Variants in CMTM8 observed in about 807,000 individuals in gnomAD.
CMTM8 encodes the protein CKLF like MARVEL transmembrane domain containing 8, also known as CKLF-like MARVEL transmembrane domain-containing protein 8.
A neutral mutation model predicts 18.6 loss-of-function variants in CMTM8; 12 were observed. The ratio of observed to expected loss-of-function variants is 0.65; its 90% CI spans 0.41 to 1.05. The LOEUF (loss-of-function observed/expected upper bound fraction) is 1.05. Among genes scored for constraint, CMTM8 ranks in the 50% least tolerant of loss-of-function variants. The pLI is 0.00. For missense variants in CMTM8, 217 were observed against 227.2 expected (o/e 0.95, Z 0.29); for synonymous variants, 87 against 90.6 (o/e 0.96, Z 0.23).
intron 1 of CMTM8, among the ~76,000 whole-genome samples, chr3:32,311,169 A>T (rs1695813267): frequency 6.6e-6 from 1 of 152,238 alleles, no homozygotes; most frequent in Non-Finnish European, 1.5e-5. Flanking sequence ...TTTTTGTGTG[A>T]CCCGCAAGCT....
intron 1 of CMTM8, among the ~76,000 whole-genome samples, chr3:32,244,564 A>G (rs1701986663): frequency 6.6e-6 from 1 of 151,770 alleles, no homozygotes; most frequent in South Asian, 2.1e-4. Context: ...TTTTCTTTGC[A>G]TATATTTTCT....
intron 1 of CMTM8, among the ~76,000 whole-genome samples, chr3:32,326,515 C>CTTTTTTTTT (rs58555396): frequency 9.7e-5 from 11 of 113,368 alleles, no homozygotes; most frequent in Non-Finnish European, 1.1e-4. Flanking sequence ...TTCTTTCTTT[C>CTTTTTTTTT]TTTTTTTTTT....
chr3:32,332,495 GCA>G (rs1374191342), intron 1 of CMTM8, among the ~76,000 whole-genome samples: 1 of 152,138 alleles, frequency 6.6e-6, no homozygotes, highest in Non-Finnish European at 1.5e-5. Flanking sequence ...TTGGAGAAGG[GCA>G]CAGAAGGAGG....
Position 32,361,291 on chromosome 3 carries a change from T to TTTTTTGTTTTTTTTTTTTTTTG in CMTM8, c.321+3749_321+3750insTGTTTTTTTTTTTTTTTGTTTT, listed in dbSNP as rs1314833356. Reference sequence around the variant, plus strand: ...CCACGGCGCCCAGCCTAAGAGTTTTTTTTTCTTTCAAATTTTGGAAAGGTA... The same window carrying TTTTTTGTTTTTTTTTTTTTTTG: ...CCACGGCGCCCAGCCTAAGAGTTTTTTTTTTGTTTTTTTTTTTTTTTGTTTTCTTTCAAATTTTGGAAAGGTA... On this transcript the variant is annotated intron_variant, in intron 2 of 3. Transcript: ENST00000307526. Among the ~76,000 whole-genome samples, 105 of 148,644 alleles carry TTTTTTGTTTTTTTTTTTTTTTG rather than the reference T, an allele frequency of 7.1e-4. 1 individual carries two copies. Among genetic ancestry groups the TTTTTTGTTTTTTTTTTTTTTTG allele is most frequent in the African/African-American group, 2.4e-3 (97 of 40,430 alleles).
intron 1 of CMTM8, among the ~76,000 whole-genome samples, chr3:32,241,656 G>T (rs1326533727): frequency 1.1e-4 from 16 of 152,162 alleles, no homozygotes; most frequent in Non-Finnish European, 5.9e-5. Context: ...TTTGACTTCG[G>T]ATACTTTCCA....
At chr3:32,289,105 T>G (rs1454494841) in intron 1 of CMTM8, among the ~76,000 whole-genome samples, 1 of 152,134 alleles carries the variant, frequency 6.6e-6, no homozygotes, top group Non-Finnish European at 1.5e-5. Context: ...AGTGGGTTTG[T>G]GATGAACCAG....
chr3:32,336,043 A>G (rs966753813), intron 1 of CMTM8, among the ~76,000 whole-genome samples: 79 of 152,254 alleles, frequency 5.2e-4, no homozygotes, highest in African/African-American at 1.8e-3. Flanking sequence ...CACACCCGCC[A>G]GCACTGGGGC....
intron 1 of CMTM8, among the ~76,000 whole-genome samples, chr3:32,313,618 T>A (rs1189041828): frequency 2.0e-5 from 3 of 152,046 alleles, no homozygotes; most frequent in Non-Finnish European, 4.4e-5. Flanking sequence ...CATCCAAATC[T>A]CTTGGAGAAA....
intron 1 of CMTM8, among the ~76,000 whole-genome samples, chr3:32,284,723 A>G (rs906103107): frequency 2.6e-5 from 4 of 152,162 alleles, no homozygotes; most frequent in Admixed American, 1.3e-4. Context: ...TAAATATTTT[A>G]CTGTATAAAT....
chr3:32,239,120 G>T lies in CMTM8; in HGVS notation c.147+1G>T. 1 of 1,596,600 alleles carries T rather than the reference G, an allele frequency of 6.3e-7. No homozygotes were observed. Among genetic ancestry groups the T allele is most frequent in the Non-Finnish European group, 8.5e-7 (1 of 1,172,310 alleles). On this transcript the variant is annotated splice_donor_variant, in intron 1 of 3. Coordinates refer to ENST00000307526, the MANE Select transcript of CMTM8 (RefSeq NM_178868.5). LOFTEE classifies it high-confidence loss of function. ...CGGCTTCCTCATCGTGGCCGAGATC[G>T]TGAGTGCCGACGGGCCGGGGGTGGC...
intron 2 of CMTM8, among the ~76,000 whole-genome samples, chr3:32,366,665 C>T (rs1697044171): frequency 6.6e-6 from 1 of 152,142 alleles, no homozygotes; most frequent in African/African-American, 2.4e-5. Flanking sequence ...AATGGCTTGG[C>T]AAGTATTAAA....
intron 1 of CMTM8, among the ~76,000 whole-genome samples, chr3:32,349,837 A>G (rs940593611): frequency 2.6e-5 from 4 of 152,048 alleles, no homozygotes; most frequent in African/African-American, 9.7e-5. Context: ...GTGAAACCCC[A>G]TCTCTACTAA....
chr3:32,313,640 G>A (rs534328562), intron 1 of CMTM8, among the ~76,000 whole-genome samples: 6 of 152,262 alleles, frequency 3.9e-5, no homozygotes, highest in African/African-American at 1.4e-4. Context: ...TGTTAAAAAT[G>A]CAGACATCTG....
chr3:32,304,972 A>C (rs1695692725), intron 1 of CMTM8, among the ~76,000 whole-genome samples: 1 of 152,238 alleles, frequency 6.6e-6, no homozygotes, highest in Non-Finnish European at 1.5e-5. Flanking sequence ...AGGGTAGTGA[A>C]CTAAAACATT....
chr3:32,256,237 T>G (rs1422396502), intron 1 of CMTM8, among the ~76,000 whole-genome samples: 1 of 152,090 alleles, frequency 6.6e-6, no homozygotes, highest in African/African-American at 2.4e-5. Flanking sequence ...TGGATAATTT[T>G]TTTTTATTTT....
chr3:32,358,581 C>G lies in CMTM8; in HGVS notation c.321+1035C>G, dbSNP rs1696862346. Reference sequence around the variant, plus strand: ...GTTAAGTTGGCACACTTTCAGACAACACTATCATTGTTCAAAACGCACCTG... The same window carrying G: ...GTTAAGTTGGCACACTTTCAGACAAGACTATCATTGTTCAAAACGCACCTG... On this transcript the variant is annotated intron_variant, in intron 2 of 3. Transcript: ENST00000307526. The surrounding 1 kb of genome is among the most constrained non-coding windows in gnomAD (Gnocchi z 4.1). 6.6e-6 allele frequency among the ~76,000 whole-genome samples: 1 copy of G among 152,192 alleles called. No homozygotes were observed. The highest frequency in any genetic ancestry group is 1.5e-5 in the Non-Finnish European group (1 of 68,046).
intron 1 of CMTM8, among the ~76,000 whole-genome samples, chr3:32,267,939 A>G (rs1702373207): frequency 1.3e-5 from 2 of 152,208 alleles, no homozygotes; most frequent in African/African-American, 4.8e-5. Context: ...TAAAGTCAGG[A>G]AACAACAGGT....
chr3:32,353,887 C>T (rs1575092610), intron 1 of CMTM8, among the ~76,000 whole-genome samples: 1 of 150,112 alleles, frequency 6.7e-6, no homozygotes, highest in South Asian at 2.1e-4. Context: ...TGGGTTCAAG[C>T]GATTCTCCTG....
At chr3:32,340,502 G>A (rs1696473170) in intron 1 of CMTM8, among the ~76,000 whole-genome samples, 1 of 152,214 alleles carries the variant, frequency 6.6e-6, no homozygotes, top group South Asian at 2.1e-4. Flanking sequence ...TTAATAACCT[G>A]ATTTGGAAAA....
Sources: allele counts gnomAD v4.1 joint callset (sites outside exome capture counted in the v4.1 genomes callset), GRCh38; gene constraint gnomAD v4.1.1; non-coding constraint Gnocchi (gnomAD v3.1); transcripts MANE v1.5; gene names NCBI Gene and HGNC (gene_info 2026-07-23, HGNC 2026-07-21).